Variants in CEP112 observed in about 807,000 individuals in gnomAD.
The protein encoded by CEP112 is centrosomal protein of 112 kDa.
Under a neutral mutation model 153.0 loss-of-function variants are expected in CEP112, and 127 were observed. That is an observed-to-expected ratio of 0.83 (90% CI 0.72 to 0.96). The LOEUF is 0.96. CEP112 is among the 40% of genes least tolerant of loss of function. CEP112 has a pLI of 0.00. For synonymous variants in CEP112, 358 were observed against 374.4 expected, an observed-to-expected ratio of 0.96 and a Z score of 0.51; for missense variants, 1,089 against 1,101.2, an observed-to-expected ratio of 0.99 and a Z score of 0.16.
intron 19 of CEP112, among the ~76,000 whole-genome samples, chr17:65,909,579 T>C (rs1286793710): frequency 6.6e-6 from 1 of 152,182 alleles, no homozygotes; most frequent in Non-Finnish European, 1.5e-5. Context: ...ATAACCATAT[T>C]CCAAGAGAAA....
At chr17:65,729,928 C>T (rs960138610) in intron 23 of CEP112, among the ~76,000 whole-genome samples, 2 of 150,768 alleles carry the variant, frequency 1.3e-5, no homozygotes, top group African/African-American at 4.8e-5. Context: ...AACAAACAAA[C>T]AAACAAACAA....
rs559922420 is a variant in CEP112 at position 65,811,783 on chromosome 17, A to T, written c.2394+40021T>A. Among the ~76,000 whole-genome samples the T allele has an allele frequency of 2.6e-5, 4 of 152,276 alleles. No individual in the cohort carries two copies. The South Asian group carries it at 8.3e-4, about 32-fold the overall frequency. ...TATTTAAATGAAAATTTCTTGAAAA[A>T]TTGCTTTTCTTAATTTTATAAATCT... On this transcript the variant is annotated intron_variant, in intron 21 of 26. Transcript: ENST00000535342.
In CEP112 at chr17:65,937,723, G is replaced by A. The variant is rs1270382189; in HGVS notation, c.1873-10034C>T. Among the ~76,000 whole-genome samples the A allele has an allele frequency of 1.6e-4, 10 of 63,308 alleles. 3 individuals carry two copies. The highest frequency in any genetic ancestry group is 2.1e-4 in the Non-Finnish European group (7 of 33,282). 41.5% of individuals were successfully genotyped at this position (63,308 alleles called of 152,430 possible). A position where few individuals can be genotyped will look rare whatever the true frequency, so the allele number is the denominator to read the frequency against. ...TGAGGAGCCCCCCGCCCGGCCAGCC[G>A]CCCAGTCTGGGAGGGGGGTGGGGGC... On this transcript the variant is annotated intron_variant, in intron 18 of 26. Coordinates refer to ENST00000535342, the MANE Select transcript of CEP112 (RefSeq NM_001199165.4).
chr17:65,792,476 A>T (rs945165497), intron 21 of CEP112, among the ~76,000 whole-genome samples: 1 of 152,182 alleles, frequency 6.6e-6, no homozygotes, highest in Non-Finnish European at 1.5e-5. Flanking sequence ...TCATTAAAAC[A>T]ATGCAGAACA....
At chr17:65,879,369 C>A (rs968657013) in intron 20 of CEP112, among the ~76,000 whole-genome samples, 6 of 152,190 alleles carry the variant, frequency 3.9e-5, no homozygotes, top group Non-Finnish European at 8.8e-5. Flanking sequence ...TCCCCTGGAA[C>A]CTCCAGAAGG....
intron 17 of CEP112, among the ~76,000 whole-genome samples, chr17:65,985,954 C>T (rs1391): frequency 0.065 from 9,832 of 151,536 alleles, 455 homozygotes; most frequent in South Asian, 0.12. Context: ...CAGCAAATCA[C>T]GATAATTTAT....
At chr17:65,681,867 A>G (rs2047549904) in intron 24 of CEP112, among the ~76,000 whole-genome samples, 1 of 151,264 alleles carries the variant, frequency 6.6e-6, no homozygotes, top group Admixed American at 6.6e-5. Context: ...TTTTTAAGAG[A>G]CAGGGTTTCA....
At chr17:66,002,594 C>G (rs2064107489) in intron 17 of CEP112, among the ~76,000 whole-genome samples, 1 of 152,170 alleles carries the variant, frequency 6.6e-6, no homozygotes, top group Non-Finnish European at 1.5e-5. Flanking sequence ...ACTTTTCCTT[C>G]ACAACTCAGT....
chr17:65,942,577 G>A (rs918783301), intron 18 of CEP112, among the ~76,000 whole-genome samples: 2 of 152,184 alleles, frequency 1.3e-5, no homozygotes, highest in African/African-American at 4.8e-5. Flanking sequence ...AGGGCAAAGG[G>A]TAAGTATCAG....
intron 20 of CEP112, among the ~76,000 whole-genome samples, chr17:65,855,212 C>T (rs961611598): frequency 2.0e-5 from 3 of 152,174 alleles, no homozygotes; most frequent in African/African-American, 7.2e-5. Context: ...AATGCTTTAC[C>T]TTCTGCTCTT....
chr17:66,024,435 A>C (rs2065118489), intron 16 of CEP112, among the ~76,000 whole-genome samples: 1 of 152,092 alleles, frequency 6.6e-6, no homozygotes, highest in Non-Finnish European at 1.5e-5. Context: ...TTCTCCCCCC[A>C]AAAACCTCTT....
intron 4 of CEP112, among the ~76,000 whole-genome samples, chr17:66,150,134 T>A (rs1200503227): frequency 6.8e-6 from 1 of 147,362 alleles, no homozygotes; most frequent in Non-Finnish European, 1.5e-5. Context: ...TCTCTCGACC[T>A]CATGATCCGC....
At chr17:65,716,738 G>A (rs2049545599) in intron 23 of CEP112, among the ~76,000 whole-genome samples, 2 of 152,026 alleles carry the variant, frequency 1.3e-5, no homozygotes, top group Admixed American at 6.6e-5. Flanking sequence ...TCTTGGTAGC[G>A]TAATCAATTC....
intron 24 of CEP112, among the ~76,000 whole-genome samples, chr17:65,656,290 C>T (rs1359374399): frequency 1.3e-5 from 2 of 152,174 alleles, no homozygotes; most frequent in Non-Finnish European, 2.9e-5. Flanking sequence ...AGGGTTTTGG[C>T]AATCCAGGGG....
At chr17:65,762,764 C>T (rs774892372) in intron 21 of CEP112, among the ~76,000 whole-genome samples, 46 of 151,872 alleles carry the variant, frequency 3.0e-4, no homozygotes, top group Non-Finnish European at 5.0e-4. Context: ...ATTCATTTCA[C>T]ATATATGTAA....
chr17:65,791,442 T>G (rs1375147094), intron 21 of CEP112, among the ~76,000 whole-genome samples: 1 of 152,174 alleles, frequency 6.6e-6, no homozygotes, highest in East Asian at 1.9e-4. Context: ...GAAGAACCAC[T>G]GTTCTAGCTA....
intron 6 of CEP112, among the ~76,000 whole-genome samples, chr17:66,117,212 C>T (rs928506222): frequency 1.3e-5 from 2 of 151,778 alleles, no homozygotes; most frequent in East Asian, 3.9e-4. Context: ...TTTTTCAGTT[C>T]TTTCAAAAAG....
At chr17:66,018,450 T>C (rs1568385115) in intron 16 of CEP112, among the ~76,000 whole-genome samples, 1 of 152,298 alleles carries the variant, frequency 6.6e-6, no homozygotes, top group East Asian at 1.9e-4. Flanking sequence ...GAGGAGGTAC[T>C]GACCCAAACA....
At chr17:65,937,498 T>C (rs1165999829) in intron 18 of CEP112, among the ~76,000 whole-genome samples, 58 of 98,958 alleles carry the variant, frequency 5.9e-4, no homozygotes, top group East Asian at 2.4e-3. Context: ...ACCCTCTGCC[T>C]GGCAACCGCC....
Sources: gnomAD v4.1 joint callset for allele counts (sites outside exome capture counted in the v4.1 genomes callset) on GRCh38, gnomAD v4.1.1 for gene constraint, MANE v1.5 for transcripts, NCBI Gene and HGNC (gene_info 2026-07-23, HGNC 2026-07-21) for gene names.